The following GDPD4 variants were observed in gnomAD, a reference collection of about 807,000 sequenced individuals.
GDPD4 encodes glycerophosphodiester phosphodiesterase domain containing 4, also known as glycerophosphodiester phosphodiesterase 6.
A neutral mutation model predicts 67.8 loss-of-function variants in GDPD4; 60 were observed. That is an observed-to-expected ratio of 0.88 (90% CI 0.72 to 1.10). GDPD4 has a LOEUF of 1.10. Ranked by LOEUF, GDPD4 falls within the 50% of genes least tolerant of loss-of-function variation. The pLI is 0.00. For synonymous variants in GDPD4, 212 were observed against 210.9 expected (o/e 1.00, Z -0.04); for missense variants, 623 against 613.9 (o/e 1.01, Z -0.16).
At chr11:77,267,147 C>T (rs1959181803) in intron 10 of GDPD4, among the ~76,000 whole-genome samples, 1 of 152,182 alleles carries the variant, frequency 6.6e-6, no homozygotes, top group East Asian at 1.9e-4. Flanking sequence ...TACAGAAATA[C>T]CTACCATTGT....
chr11:77,283,960 A>T (rs1382018472), intron 3 of GDPD4, among the ~76,000 whole-genome samples: 1 of 149,056 alleles, frequency 6.7e-6, no homozygotes, highest in Non-Finnish European at 1.5e-5. Flanking sequence ...GGCCCAAGGG[A>T]TCCTCCCACC....
chr11:77,275,738 G>A (rs1419581654), intron 5 of GDPD4, among the ~76,000 whole-genome samples: 2 of 152,100 alleles, frequency 1.3e-5, no homozygotes, highest in African/African-American at 2.4e-5. Flanking sequence ...GCCCAAATAG[G>A]GGAGGGGAAA....
intron 16 of GDPD4, 128 bp from the exon 17 acceptor site, chr11:77,217,442 C>A: frequency 1.3e-6 from 1 of 794,478 alleles, no homozygotes; most frequent in South Asian, 1.4e-5. Context: ...TTCCTCCAAG[C>A]TCTCCCCTCT....
At chr11:77,266,563 T>C (rs923860088) in intron 10 of GDPD4, among the ~76,000 whole-genome samples, 1 of 152,148 alleles carries the variant, frequency 6.6e-6, no homozygotes, top group Admixed American at 6.6e-5. Flanking sequence ...CAGCCTCAGG[T>C]AGTCCTTCAG....
intron 11 of GDPD4, among the ~76,000 whole-genome samples, chr11:77,258,094 A>C (rs1435894699): frequency 2.0e-5 from 3 of 152,248 alleles, no homozygotes; most frequent in Non-Finnish European, 1.5e-5. Context: ...TGTTATGTAC[A>C]TGTTAGCCAT....
In GDPD4 at chr11:77,233,132, C is replaced by T. The variant is rs762493323; in HGVS notation, c.1282G>A (p.Val428Ile). Reference protein sequence around the residue: ...AANIHINVYTVNEPWLFSLAW... With the variant: ...AANIHINVYTINEPWLFSLAW... ...AGTGAGAAAAGCCAAGGCTCATTGA[C>T]GGTGTATACGTTGATATGGATGTTA... Residue 428 changes from valine (V) to isoleucine (I), a missense_variant, in exon 14 of 17, where the codon GTC becomes ATC. Val to Ile is a conservative substitution (Grantham distance 29). Transcript: ENST00000315938. The T allele has an allele frequency of 9.3e-6, 15 of 1,613,794 alleles. No individual in the cohort carries two copies. Among genetic ancestry groups the T allele is most frequent in the East Asian group, 6.7e-5 (3 of 44,900 alleles).
chr11:77,260,380 C>G (rs769866198), intron 10 of GDPD4, among the ~76,000 whole-genome samples: 1 of 151,926 alleles, frequency 6.6e-6, no homozygotes, highest in Non-Finnish European at 1.5e-5. Context: ...TTTAGATCCT[C>G]TAAAAAAGAG....
At chr11:77,289,593 T>G (rs1937696538) in intron 1 of GDPD4, among the ~76,000 whole-genome samples, 1 of 151,400 alleles carries the variant, frequency 6.6e-6, no homozygotes, top group African/African-American at 2.4e-5. Context: ...TAGCCATGCA[T>G]GGTAGTGCAC....
intron 13 of GDPD4, among the ~76,000 whole-genome samples, chr11:77,237,122 G>C (rs901429011): frequency 2.0e-5 from 3 of 152,160 alleles, no homozygotes; most frequent in Admixed American, 6.5e-5. Context: ...CTATCAAATA[G>C]AGATGTTTCA....
chr11:77,258,145 C>T (rs530998728), intron 11 of GDPD4, among the ~76,000 whole-genome samples: 1 of 152,152 alleles, frequency 6.6e-6, no homozygotes, highest in African/African-American at 2.4e-5. Flanking sequence ...AAAGAAATTA[C>T]AAGATAAGGG....
chr11:77,265,545 C>A (rs1280830799), intron 10 of GDPD4, among the ~76,000 whole-genome samples: 2 of 152,102 alleles, frequency 1.3e-5, no homozygotes, highest in Non-Finnish European at 2.9e-5. Context: ...ATACCCTTAG[C>A]CCATTTCCCC....
At chr11:77,257,720 A>T (rs547307212) in intron 11 of GDPD4, among the ~76,000 whole-genome samples, 1 of 152,088 alleles carries the variant, frequency 6.6e-6, no homozygotes, top group African/African-American at 2.4e-5. Flanking sequence ...TTCCAGAGGA[A>T]CCATTCATAC....
At chr11:77,238,584 CAAA>C (rs199508047) in intron 13 of GDPD4, among the ~76,000 whole-genome samples, 78 of 117,984 alleles carry the variant, frequency 6.6e-4, no homozygotes, top group Admixed American at 9.1e-4. Flanking sequence ...AACTCCGTCT[CAAA>C]AAAAAAAAAA....
chr11:77,272,191 A>G (rs1012183684), intron 5 of GDPD4, among the ~76,000 whole-genome samples: 3 of 152,248 alleles, frequency 2.0e-5, no homozygotes, highest in Non-Finnish European at 4.4e-5. Context: ...TAAGGAAGAA[A>G]TATTTCCAAT....
In GDPD4 at chr11:77,217,036, G is replaced by C; in HGVS notation, c.*241C>G. ...TAGCCTCACTTGTAGCCTGCCTGGT[G>C]GGTGCTTGGGTGAGTTCAAAGACCA... On this transcript the variant is annotated 3_prime_UTR_variant, in exon 17 of 17. Coordinates refer to ENST00000315938, the MANE Select transcript of GDPD4 (RefSeq NM_182833.3). 1 of 703,836 alleles carries C rather than the reference G, an allele frequency of 1.4e-6. No homozygotes were observed. The highest frequency in any genetic ancestry group is 1.5e-5 in the South Asian group (1 of 67,604). The allele number at this position is 703,836 out of a possible 1,614,324, so 43.6% of individuals were successfully genotyped here. A position where few individuals can be genotyped will look rare whatever the true frequency, so the allele number is the denominator to read the frequency against.
intron 3 of GDPD4, among the ~76,000 whole-genome samples, chr11:77,284,798 T>C (rs141160404): frequency 1.2e-4 from 18 of 152,278 alleles, no homozygotes; most frequent in African/African-American, 4.1e-4. Context: ...AGGGAATCAT[T>C]ATCTGAGTAG....
At chr11:77,294,023 A>AG (rs1270605834) in intron 1 of GDPD4, among the ~76,000 whole-genome samples, 1 of 152,220 alleles carries the variant, frequency 6.6e-6, no homozygotes, top group Non-Finnish European at 1.5e-5. Context: ...CTTAGAATTA[A>AG]TAAGTGAGTT....
At chr11:77,252,269 G>A (rs61901765) in intron 11 of GDPD4, among the ~76,000 whole-genome samples, 2,330 of 151,930 alleles carry the variant, frequency 0.015, 30 homozygotes, top group South Asian at 0.025. Context: ...TCAGTATATT[G>A]GTCAGGCTGG....
At chr11:77,286,183 T>C (rs1959983959) in intron 2 of GDPD4, among the ~76,000 whole-genome samples, 1 of 152,126 alleles carries the variant, frequency 6.6e-6, no homozygotes, top group African/African-American at 2.4e-5. Context: ...TGACTACTCC[T>C]CCAATACCAA....
Sources: allele counts gnomAD v4.1 joint callset (sites outside exome capture counted in the v4.1 genomes callset), GRCh38; gene constraint gnomAD v4.1.1; transcripts MANE v1.5; gene names NCBI Gene and HGNC (gene_info 2026-07-23, HGNC 2026-07-21).